Variants in AHI1 observed in about 807,000 individuals in gnomAD.
AHI1 encodes Abelson helper integration site 1.
A neutral mutation model predicts 149.3 loss-of-function variants in AHI1; 123 were observed. The observed-to-expected ratio is 0.82, with a 90% CI of 0.71 to 0.96. The LOEUF (loss-of-function observed/expected upper bound fraction) is 0.96. Among genes scored for constraint, AHI1 ranks in the 40% least tolerant of loss-of-function variants. The probability of loss-of-function intolerance (pLI) is 0.00; values close to 1 mark genes in which losing one functional copy is unlikely to be tolerated. For missense variants in AHI1, 1,439 were observed against 1,422.7 expected, an observed-to-expected ratio of 1.01 and a Z score of -0.18; for synonymous variants, 475 against 459.8, an observed-to-expected ratio of 1.03 and a Z score of -0.42.
At chr6:135,291,861 A>G (rs1384073357) in intron 27 of AHI1, among the ~76,000 whole-genome samples, 1 of 152,194 alleles carries the variant, frequency 6.6e-6, no homozygotes, top group Non-Finnish European at 1.5e-5. Context: ...TTTCCAAGGA[A>G]TCTATATTCT....
At chr6:135,389,006 C>T (rs115464440) in intron 23 of AHI1, among the ~76,000 whole-genome samples, 1,552 of 143,058 alleles carry the variant, frequency 0.011, 39 homozygotes, top group African/African-American at 0.039. Flanking sequence ...GAGTGAGGTT[C>T]CGTGTTAAAA....
intron 27 of AHI1, among the ~76,000 whole-genome samples, chr6:135,298,995 G>C (rs578107101): frequency 6.6e-6 from 1 of 151,656 alleles, no homozygotes; most frequent in Non-Finnish European, 1.5e-5. Context: ...TTTTTTTTTG[G>C]TTGTTGAAAC....
At chr6:135,351,144 C>CAAAAAAAAA (rs112077817) in intron 24 of AHI1, among the ~76,000 whole-genome samples, 4 of 116,280 alleles carry the variant, frequency 3.4e-5, no homozygotes, top group Admixed American at 8.2e-5. Flanking sequence ...ACAAAAAAAA[C>CAAAAAAAAA]AAAAAAAAAA....
intron 25 of AHI1, among the ~76,000 whole-genome samples, chr6:135,320,783 C>T (rs1005974516): frequency 1.4e-4 from 22 of 152,116 alleles, no homozygotes; most frequent in Admixed American, 1.4e-3. Flanking sequence ...TGTAATATTT[C>T]GTTAAAATGA....
At chr6:135,329,947 C>T (rs1788289366) in intron 24 of AHI1, among the ~76,000 whole-genome samples, 1 of 152,180 alleles carries the variant, frequency 6.6e-6, no homozygotes, top group Non-Finnish European at 1.5e-5. Flanking sequence ...AGCAAGAAAA[C>T]TAGAATTAGA....
intron 20 of AHI1, 42 bp downstream of exon 20, chr6:135,427,125 G>A: frequency 1.3e-6 from 2 of 1,574,724 alleles, no homozygotes; most frequent in Non-Finnish European, 1.7e-6. Flanking sequence ...TAAATGTAAA[G>A]GTTACTCTAA....
At chr6:135,378,457 A>G (rs1776255874) in intron 23 of AHI1, among the ~76,000 whole-genome samples, 1 of 152,202 alleles carries the variant, frequency 6.6e-6, no homozygotes, top group Admixed American at 6.5e-5. Context: ...AGTAAACTCT[A>G]ATATGGATTG....
rs1454863145 is a variant in AHI1 at position 135,466,033 on chromosome 6, C to A, written c.530G>T (p.Arg177Ile). 1 of 1,613,974 alleles carries A rather than the reference C, an allele frequency of 6.2e-7. No homozygotes were observed. Among genetic ancestry groups the A allele is most frequent in the Non-Finnish European group, 8.5e-7 (1 of 1,179,846 alleles). Residue 177 changes from arginine (R) to isoleucine (I), a missense_variant, in exon 7 of 29, where the codon AGA (arginine) becomes ATA (isoleucine). Coordinates refer to ENST00000265602, the MANE Select transcript of AHI1 (RefSeq NM_001134831.2). ...HQKSEKANEG[R>I]EETDLEEDEE... Reference sequence around the variant, plus strand: ...ATCCTCTTCTAAATCAGTCTCTTCTCTTCCCTCATTTGCCTTCTCACTTTT... The same window carrying A: ...ATCCTCTTCTAAATCAGTCTCTTCTATTCCCTCATTTGCCTTCTCACTTTT...
chr6:135,467,044 A>G (rs1790876966), intron 6 of AHI1, among the ~76,000 whole-genome samples: 1 of 152,220 alleles, frequency 6.6e-6, no homozygotes, highest in Non-Finnish European at 1.5e-5. Flanking sequence ...GAGGATGACC[A>G]ATCGAGGAGC....
chr6:135,391,463 T>C (rs1407020702), intron 23 of AHI1, among the ~76,000 whole-genome samples: 1 of 152,132 alleles, frequency 6.6e-6, no homozygotes, highest in Non-Finnish European at 1.5e-5. Flanking sequence ...ATGTCACTGA[T>C]CTGACAGGAG....
At chr6:135,461,143 C>T (rs1039473447) in intron 8 of AHI1, among the ~76,000 whole-genome samples, 1 of 151,752 alleles carries the variant, frequency 6.6e-6, no homozygotes, top group Non-Finnish European at 1.5e-5. Context: ...ACGACATTTG[C>T]GATATAAATG....
rs540801004 is a variant in AHI1, at chr6:135,490,277, T to C, written c.135+346A>G. 6.6e-5 allele frequency: 47 copies of C among 712,682 alleles called. 1 individual carries two copies. The highest frequency in any genetic ancestry group is 6.2e-4 in the South Asian group (41 of 66,274). 44.1% of individuals were successfully genotyped at this position (712,682 alleles called of 1,614,324 possible). A position where few individuals can be genotyped will look rare whatever the true frequency, so the allele number is the denominator to read the frequency against. The stretch of plus-strand genomic sequence containing the variant: ...GTTTAAATAAGCACAAGCTATTCAA[T>C]ATCTGAAGTTAAGATACTACTTCCT... On this transcript the variant is annotated intron_variant, in intron 5 of 28. Coordinates refer to ENST00000265602, the MANE Select transcript of AHI1 (RefSeq NM_001134831.2).
chr6:135,420,056 A>G (rs562634920), intron 20 of AHI1, among the ~76,000 whole-genome samples: 1 of 152,274 alleles, frequency 6.6e-6, no homozygotes, highest in South Asian at 2.1e-4. Flanking sequence ...ATTCATTCAT[A>G]TCTTCAGGCT....
At chr6:135,447,677 C>A (rs1251372635) in intron 12 of AHI1, among the ~76,000 whole-genome samples, 2 of 152,016 alleles carry the variant, frequency 1.3e-5, no homozygotes, top group African/African-American at 4.8e-5. Context: ...TAGACAAAAG[C>A]AAAACTTTTT....
chr6:135,488,805 A>C (rs1033181525), intron 5 of AHI1, among the ~76,000 whole-genome samples: 8 of 152,158 alleles, frequency 5.3e-5, no homozygotes, highest in Non-Finnish European at 1.2e-4. Flanking sequence ...TTCAAGAAGA[A>C]GTCCTATCTT....
intron 24 of AHI1, among the ~76,000 whole-genome samples, chr6:135,334,279 G>A (rs1017780349): frequency 6.6e-6 from 1 of 152,152 alleles, no homozygotes; most frequent in Non-Finnish European, 1.5e-5. Context: ...AGGTGATTAG[G>A]TCATGAAGGC....
intron 2 of AHI1, among the ~76,000 whole-genome samples, chr6:135,496,741 A>G (rs1002015200): frequency 2.6e-5 from 4 of 152,200 alleles, no homozygotes; most frequent in Admixed American, 2.6e-4. Flanking sequence ...ATCGCAAGGG[A>G]AAAAAAGACA....
chr6:135,433,308 T>C, intron 15 of AHI1, 52 bp from the exon 16 acceptor site: 1 of 1,358,246 alleles, frequency 7.4e-7, no homozygotes. Context: ...GAAGTTTCTT[T>C]TAACAGTTTT....
intron 13 of AHI1, 103 bp downstream of exon 13, chr6:135,446,905 T>C: frequency 9.6e-6 from 12 of 1,245,170 alleles, no homozygotes; most frequent in South Asian, 2.0e-5. Flanking sequence ...CAAGGATAAA[T>C]AGCAAGCATT....
Sources: gnomAD v4.1 joint callset for allele counts (sites outside exome capture counted in the v4.1 genomes callset) on GRCh38, gnomAD v4.1.1 for gene constraint, MANE v1.5 for transcripts, NCBI Gene and HGNC (gene_info 2026-07-23, HGNC 2026-07-21) for gene names.